YLPM1: variants seen among roughly 807,000 people sequenced by gnomAD.
YLPM1 encodes the protein YLP motif-containing protein 1.
Under a neutral mutation model 230.0 loss-of-function variants are expected in YLPM1, and 99 were observed. The observed-to-expected ratio is 0.43, with a 90% confidence interval of 0.37 to 0.51. The LOEUF is 0.51. Ranked by LOEUF, YLPM1 falls within the 20% of genes least tolerant of loss-of-function variation. The probability of loss-of-function intolerance (pLI) is 0.00; values close to 1 mark genes in which losing one functional copy is unlikely to be tolerated. For missense variants in YLPM1, 2,592 were observed against 2,707.7 expected, an observed-to-expected ratio of 0.96 and a Z score of 0.95; for synonymous variants, 984 against 942.5, an observed-to-expected ratio of 1.04 and a Z score of -0.81.
intron 11 of YLPM1, 74 bp from the exon 12 acceptor site, chr14:74,816,129 T>C: frequency 7.3e-7 from 1 of 1,371,058 alleles, no homozygotes; most frequent in Non-Finnish European, 1.0e-6. Context: ...TGGTAGGTCA[T>C]TGTTAACTGT....
At position 74,799,010 on chromosome 14, in the gene YLPM1, C is replaced by T. The variant is rs558792199; in HGVS notation, c.3713C>T (p.Thr1238Ile). The T allele has an allele frequency of 4.3e-6, 7 of 1,613,892 alleles. No homozygotes were observed. In the South Asian group the frequency reaches 4.4e-5, roughly 10 times the overall value. ...RECERDYQDD[T>I]LELYNREDRF... The stretch of plus-strand genomic sequence containing the variant: ...TGTGAACGTGACTATCAAGATGATA[C>T]ACTAGAGCTCTATAACAGAGAGGAC... Residue 1238 changes from threonine (T) to isoleucine (I), a missense_variant, in exon 5 of 21, where the codon ACA becomes ATA. Physicochemically the swap from Thr to Ile is moderately conservative, Grantham distance 89. This residue lies in a region of YLPM1 where 1,862 missense variants were observed against 1,819.8 expected (regional missense o/e 1.02). Transcript: ENST00000325680.
At chr14:74,826,165 G>A (rs1243947803) in intron 18 of YLPM1, among the ~76,000 whole-genome samples, 5 of 152,054 alleles carry the variant, frequency 3.3e-5, no homozygotes, top group African/African-American at 4.8e-5. Context: ...TAGTGATGTT[G>A]TATATAAGGA....
At chr14:74,787,741 A>G (rs1320366919) in intron 4 of YLPM1, among the ~76,000 whole-genome samples, 1 of 152,142 alleles carries the variant, frequency 6.6e-6, no homozygotes, top group Admixed American at 6.6e-5. Flanking sequence ...GGGGCCGGGC[A>G]TGGTGGCTCA....
intron 4 of YLPM1, among the ~76,000 whole-genome samples, chr14:74,787,031 A>G (rs2091157166): frequency 6.6e-6 from 1 of 152,140 alleles, no homozygotes; most frequent in South Asian, 2.1e-4. Context: ...AATGGATTTA[A>G]TTTACATTTC....
At chr14:74,807,100 T>C (rs1202436891) in intron 6 of YLPM1, among the ~76,000 whole-genome samples, 1 of 152,208 alleles carries the variant, frequency 6.6e-6, no homozygotes, top group Non-Finnish European at 1.5e-5. Context: ...TCTTTAACTG[T>C]AGCCAGTAGT....
At chr14:74,790,291 A>G (rs1343574182) in intron 4 of YLPM1, among the ~76,000 whole-genome samples, 2 of 152,152 alleles carry the variant, frequency 1.3e-5, no homozygotes, top group Non-Finnish European at 2.9e-5. Context: ...GTTCTTGTTT[A>G]TAGTGATAAC....
rs779552899 is a variant in YLPM1, at chr14:74,798,823, G to A, written c.3526G>A (p.Gly1176Ser). ...RGPFRPEPGD[G>S]GEKMYPYHRD... ...TCCATTCAGACCAGAACCAGGAGAT[G>A]GTGGGGAAAAAATGTATCCATATCA... The change falls in exon 5 of 21, where the codon GGT becomes AGT. Residue 1176 changes from glycine to serine, a missense_variant. Transcript: ENST00000325680. 6.2e-6 allele frequency: 10 copies of A among 1,613,724 alleles called. No individual in the cohort carries two copies. The highest frequency in any genetic ancestry group is 1.6e-4 in the Middle Eastern group (1 of 6,084).
At chr14:74,833,450 G>A (rs61978927) in intron 19 of YLPM1, among the ~76,000 whole-genome samples, 2 of 151,982 alleles carry the variant, frequency 1.3e-5, no homozygotes, top group African/African-American at 4.8e-5. Flanking sequence ...ACACGGTTTC[G>A]CCTTGTTGCC....
In YLPM1 at chr14:74,763,516, C is replaced by A; in HGVS notation, c.27C>A (p.Gly9=). 1 of 1,498,282 alleles carries A rather than the reference C, an allele frequency of 6.7e-7. No individual in the cohort carries two copies. Among genetic ancestry groups the A allele is most frequent in the South Asian group, 1.3e-5 (1 of 76,120 alleles). 92.8% of individuals were successfully genotyped at this position (1,498,282 alleles called of 1,614,324 possible). The change falls in exon 1 of 21, where the codon GGC becomes GGA. Residue 9 remains glycine (G), a synonymous_variant. Transcript: ENST00000325680. Reference sequence around the variant, plus strand: ...TGTACCCGAATTGGGGCCGGTATGGCGGGAGCAGCCACTATCCGCCGCCAC... The same window carrying A: ...TGTACCCGAATTGGGGCCGGTATGGAGGGAGCAGCCACTATCCGCCGCCAC... The part of the protein sequence containing the change: MYPNWGRY[G]GSSHYPPPPV...
In YLPM1 at chr14:74,798,968, A is replaced by G. The variant is rs1566752487; in HGVS notation, c.3671A>G (p.Glu1224Gly). ...ERERLDDWDRERYWRECERDY... is the reference protein window; with the variant it reads ...ERERLDDWDRGRYWRECERDY... ...GAAAGACTCGATGACTGGGATAGAG[A>G]GAGATACTGGAGAGAATGTGAACGT... The change falls in exon 5 of 21, where the codon GAG (glutamate) becomes GGG (glycine). Residue 1224 changes from glutamate (E) to glycine (G), a missense_variant. This residue lies in a region of YLPM1 where 1,862 missense variants were observed against 1,819.8 expected (regional missense o/e 1.02). Coordinates refer to ENST00000325680, the MANE Select transcript of YLPM1 (RefSeq NM_019589.3). 1.2e-6 allele frequency: 2 copies of G among 1,613,758 alleles called. No individual in the cohort carries two copies. The highest frequency in any genetic ancestry group is 1.7e-6 in the Non-Finnish European group (2 of 1,179,854).
intron 4 of YLPM1, among the ~76,000 whole-genome samples, chr14:74,784,217 T>G (rs1187750482): frequency 6.6e-6 from 1 of 152,248 alleles, no homozygotes; most frequent in Non-Finnish European, 1.5e-5. Context: ...TTTTCTCTCT[T>G]TGCCTACTAA....
intron 11 of YLPM1, among the ~76,000 whole-genome samples, chr14:74,815,991 A>G (rs1292110336): frequency 6.6e-6 from 1 of 151,902 alleles, no homozygotes. Context: ...GAGTTTCTCT[A>G]ATTTTTTCTT....
chr14:74,827,291 C>T (rs2091571665), intron 18 of YLPM1: 2 of 952,336 alleles, frequency 2.1e-6, no homozygotes, highest in Non-Finnish European at 2.5e-6. Flanking sequence ...ATGTATTGAA[C>T]ACCAGTCTTT....
intron 6 of YLPM1, among the ~76,000 whole-genome samples, chr14:74,805,448 A>G (rs756828076): frequency 4.6e-5 from 7 of 151,568 alleles, no homozygotes; most frequent in East Asian, 3.9e-4. Flanking sequence ...GGCTCAAGTG[A>G]TTCTCTCACC....
chr14:74,814,015 A>G (rs2091456663), intron 11 of YLPM1, among the ~76,000 whole-genome samples: 1 of 152,192 alleles, frequency 6.6e-6, no homozygotes, highest in Admixed American at 6.5e-5. Context: ...GCAAGAGTGG[A>G]CATTCTTGTC....
rs140450374 is a variant in YLPM1 at position 74,799,447 on chromosome 14, C to T, written c.4150C>T (p.Arg1384Trp). Residue 1384 changes from arginine to tryptophan, a missense_variant, in exon 5 of 21, where the codon CGG (arginine) becomes TGG (tryptophan). Around this residue, in one of 4 missense-constraint regions of YLPM1, gnomAD observed 1,862 missense variants for 1,819.8 expected, o/e 1.02. Coordinates refer to ENST00000325680, the MANE Select transcript of YLPM1 (RefSeq NM_019589.3). ...GTATCCAGAAAGAGGAGATACATGG[C>T]GGGAAAAGCGAGATTATGTTCCTGA... ...REYPERGDTW[R>W]EKRDYVPDRM... The T allele has an allele frequency of 1.1e-5, 18 of 1,613,852 alleles. No individual in the cohort carries two copies. Among genetic ancestry groups the T allele is most frequent in the East Asian group, 4.5e-5 (2 of 44,872 alleles).
At position 74,836,057 on chromosome 14, in the gene YLPM1, A is replaced by G. The variant is rs1011586678; in HGVS notation, c.*319A>G. 6.0e-6 allele frequency: 2 copies of G among 334,006 alleles called. No homozygotes were observed. The highest frequency in any genetic ancestry group is 4.4e-5 in the African/African-American group (2 of 45,482). 20.7% of individuals were successfully genotyped at this position (334,006 alleles called of 1,614,324 possible). ...AGTATTTCCTCCACTGTACAATGTC[A>G]CAGACTATCTCTATCATCATTGCTT... On this transcript the variant is annotated 3_prime_UTR_variant, in exon 21 of 21. Transcript: ENST00000325680.
chr14:74,797,681 C>G lies in YLPM1; in HGVS notation c.2384C>G (p.Pro795Arg). ...GGAAATCGCCCCGATGGGCCAAGAC[C>G]CAGATATGAAGGTCACCCAGCAGAG... ...FEGNRPDGPR[P>R]RYEGHPAEGT... The change falls in exon 5 of 21, where the codon CCC becomes CGC. Residue 795 changes from proline (P) to arginine (R), a missense_variant. Transcript: ENST00000325680. The G allele has an allele frequency of 6.2e-7, 1 of 1,611,614 alleles. No individual in the cohort carries two copies. Among genetic ancestry groups the G allele is most frequent in the Non-Finnish European group, 8.5e-7 (1 of 1,178,600 alleles).
At chr14:74,801,543 T>G (rs2091325348) in intron 5 of YLPM1, among the ~76,000 whole-genome samples, 1 of 152,226 alleles carries the variant, frequency 6.6e-6, no homozygotes, top group African/African-American at 2.4e-5. Context: ...TGAAATGTTG[T>G]TTTTAAAGGT....
Sources: allele counts gnomAD v4.1 joint callset (sites outside exome capture counted in the v4.1 genomes callset), GRCh38; gene constraint gnomAD v4.1.1; regional missense constraint gnomAD v4.1.1; transcripts MANE v1.5; gene names NCBI Gene and HGNC (gene_info 2026-07-23, HGNC 2026-07-21).